The following HS2ST1 variants were observed in gnomAD, a reference collection of about 807,000 sequenced individuals.
The protein encoded by HS2ST1 is heparan sulfate 2-O-sulfotransferase 1, also known as 2-O-sulfotransferase.
HS2ST1 carries 18 observed loss-of-function variants against 42.9 expected under a neutral mutation model. That is an observed-to-expected ratio of 0.42 (90% CI 0.29 to 0.62). HS2ST1 has a LOEUF of 0.62. HS2ST1 is among the 20% of genes least tolerant of loss of function. The pLI, the probability that HS2ST1 is intolerant of heterozygous loss-of-function variation, is 0.21. For synonymous variants in HS2ST1, 146 were observed against 152.9 expected (o/e 0.95, Z 0.33); for missense variants, 334 against 433.8 (o/e 0.77, Z 2.04).
At position 86,914,945 on chromosome 1, in the gene HS2ST1, C is replaced by A; in HGVS notation, c.-92C>A. On this transcript the variant is annotated 5_prime_UTR_variant, in exon 1 of 7. Coordinates refer to ENST00000370550, the MANE Select transcript of HS2ST1 (RefSeq NM_012262.4). The stretch of plus-strand genomic sequence containing the variant: ...TGTCGCTCTCTCTTTGCCTCGCTCC[C>A]GGCTCGGCGGGCTCCTCCCGGCGTC... 1 of 1,528,580 alleles carries A rather than the reference C, an allele frequency of 6.5e-7. No homozygotes were observed. The highest frequency in any genetic ancestry group is 9.0e-7 in the Non-Finnish European group (1 of 1,117,264). 94.7% of individuals were successfully genotyped at this position (1,528,580 alleles called of 1,614,324 possible).
Position 86,963,963 on chromosome 1 carries a change from C to T in HS2ST1, c.124+48803C>T, listed in dbSNP as rs575723893. ...GACGCTCCTCACTTCCCAAATGGGT[C>T]GGCTGCCGGGCGGAGGGGCTCCTCA... On this transcript the variant is annotated intron_variant, in intron 1 of 6. Transcript: ENST00000370550. Among the ~76,000 whole-genome samples, 380 of 148,404 alleles carry T rather than the reference C, an allele frequency of 2.6e-3. 5 individuals are homozygous for T. Among genetic ancestry groups the T allele is most frequent in the Admixed American group, 0.023 (340 of 15,082 alleles).
chr1:87,053,903 T>TAAAAATAAAGTG (rs113723150), intron 1 of HS2ST1, among the ~76,000 whole-genome samples: 141,482 of 151,942 alleles, frequency 0.93, 65,931 homozygotes, highest in East Asian at 0.99. Context: ...TGTTTAAAAA[T>TAAAAATAAAGTG]AAAAATAAAA....
chr1:86,967,578 C>G (rs1648085286), intron 1 of HS2ST1, among the ~76,000 whole-genome samples: 1 of 152,198 alleles, frequency 6.6e-6, no homozygotes, highest in African/African-American at 2.4e-5. Context: ...AGTTACTTCA[C>G]TTAGAATAAT....
At chr1:86,915,970 G>A (rs1224898394) in intron 1 of HS2ST1, among the ~76,000 whole-genome samples, 5 of 152,230 alleles carry the variant, frequency 3.3e-5, no homozygotes, top group African/African-American at 1.2e-4. Context: ...GGAAAAGTAG[G>A]ATTATGCGGA....
chr1:87,100,388 G>C (rs1197153673), intron 5 of HS2ST1, among the ~76,000 whole-genome samples: 1 of 152,162 alleles, frequency 6.6e-6, no homozygotes, highest in East Asian at 1.9e-4. Flanking sequence ...GGGATGTGGG[G>C]AGCAATGTCC....
chr1:87,062,852 A>C (rs541485763), intron 1 of HS2ST1, among the ~76,000 whole-genome samples: 1 of 152,078 alleles, frequency 6.6e-6, no homozygotes, highest in African/African-American at 2.4e-5. Context: ...GCCACTTCCT[A>C]TTGGCTCCAT....
At chr1:86,984,793 TA>T (rs761711622) in intron 1 of HS2ST1, among the ~76,000 whole-genome samples, 1 of 151,452 alleles carries the variant, frequency 6.6e-6, no homozygotes, top group Non-Finnish European at 1.5e-5. Flanking sequence ...CATGCACCTG[TA>T]ATCCCAGGTA....
chr1:86,987,008 T>G (rs920034250), intron 1 of HS2ST1, among the ~76,000 whole-genome samples: 2 of 150,402 alleles, frequency 1.3e-5, no homozygotes, highest in Non-Finnish European at 3.0e-5. Flanking sequence ...CTTTTTTCCC[T>G]CCCTGATTTC....
At chr1:87,030,248 TA>T (rs1265947538) in intron 1 of HS2ST1, among the ~76,000 whole-genome samples, 1 of 152,154 alleles carries the variant, frequency 6.6e-6, no homozygotes, top group Non-Finnish European at 1.5e-5. Flanking sequence ...TTTCAAATTG[TA>T]AAAATAAAAT....
At chr1:86,940,914 A>G (rs974958815) in intron 1 of HS2ST1, among the ~76,000 whole-genome samples, 2 of 152,098 alleles carry the variant, frequency 1.3e-5, no homozygotes, top group Non-Finnish European at 2.9e-5. Context: ...GGATCACTTG[A>G]GCCTGGGAGG....
rs1652425784 is a variant in HS2ST1, at chr1:87,109,722, T to G, written c.*5026T>G. On this transcript the variant is annotated 3_prime_UTR_variant, in exon 7 of 7. Transcript: ENST00000370550. ...CAATGATGAGTTTTCTTAACAGAAT[T>G]TGGTTTGTACTTGCAGTGGCTGAAC... The G allele has an allele frequency of 6.6e-6, 1 of 152,112 alleles. No individual in the cohort carries two copies. Among genetic ancestry groups the G allele is most frequent in the African/African-American group, 2.4e-5 (1 of 41,448 alleles). The allele number at this position is 152,112 out of a possible 1,614,324, so 9.4% of individuals were successfully genotyped here.
intron 1 of HS2ST1, among the ~76,000 whole-genome samples, chr1:87,031,485 C>A (rs1396540608): frequency 6.6e-6 from 1 of 152,162 alleles, no homozygotes; most frequent in Admixed American, 6.5e-5. Context: ...AATATACCAA[C>A]TGTTTATTGC....
chr1:86,937,458 ATTCT>A (rs1199360466), intron 1 of HS2ST1, among the ~76,000 whole-genome samples: 1 of 152,288 alleles, frequency 6.6e-6, no homozygotes, highest in Non-Finnish European at 1.5e-5. Flanking sequence ...AGTTGTATGC[ATTCT>A]TTCTTATTTG....
intron 1 of HS2ST1, among the ~76,000 whole-genome samples, chr1:86,979,784 C>A (rs1364181709): frequency 6.6e-6 from 1 of 152,182 alleles, no homozygotes; most frequent in African/African-American, 2.4e-5. Context: ...AATCATCATA[C>A]CATTTTCCAT....
intron 1 of HS2ST1, among the ~76,000 whole-genome samples, chr1:87,049,457 A>G (rs756940674): frequency 3.6e-4 from 54 of 151,862 alleles, no homozygotes; most frequent in Non-Finnish European, 5.0e-4. Context: ...ACATCTTACA[A>G]TTTTGATGTT....
At chr1:86,940,939 A>G (rs993795334) in intron 1 of HS2ST1, among the ~76,000 whole-genome samples, 9 of 152,142 alleles carry the variant, frequency 5.9e-5, no homozygotes, top group Non-Finnish European at 4.4e-5. Context: ...GTCGGGTGAG[A>G]TGGTGCCACT....
intron 1 of HS2ST1, among the ~76,000 whole-genome samples, chr1:86,964,015 G>C (rs1647954683): frequency 6.7e-6 from 1 of 150,014 alleles, no homozygotes; most frequent in South Asian, 2.1e-4. Flanking sequence ...GCCGGGCAGA[G>C]ACGCTCCTCA....
chr1:87,030,226 T>G (rs996420467), intron 1 of HS2ST1, among the ~76,000 whole-genome samples: 1 of 152,208 alleles, frequency 6.6e-6, no homozygotes. Flanking sequence ...GGCTTTTATG[T>G]GCACAGAATC....
chr1:87,061,310 A>G (rs571980154), intron 1 of HS2ST1, among the ~76,000 whole-genome samples: 57 of 152,280 alleles, frequency 3.7e-4, no homozygotes, highest in Non-Finnish European at 6.6e-4. Context: ...CATTTGGAAC[A>G]TTCACAATAT....
Sources: allele counts gnomAD v4.1 joint callset (sites outside exome capture counted in the v4.1 genomes callset), GRCh38; gene constraint gnomAD v4.1.1; transcripts MANE v1.5; gene names NCBI Gene and HGNC (gene_info 2026-07-23, HGNC 2026-07-21).